The following MYSM1 variants were observed in gnomAD, a reference collection of about 807,000 sequenced individuals.
The protein encoded by MYSM1 is deubiquitinase MYSM1.
MYSM1 carries 51 observed loss-of-function variants against 116.0 expected under a neutral mutation model. The observed-to-expected ratio is 0.44, with a 90% CI of 0.35 to 0.56. The LOEUF is 0.56. Among genes scored for constraint, MYSM1 ranks in the 20% least tolerant of loss-of-function variants. The pLI is 0.00. For missense variants in MYSM1, 900 were observed against 974.9 expected (o/e 0.92, Z 1.02); for synonymous variants, 313 against 315.2 (o/e 0.99, Z 0.07).
chr1:58,695,294 T>A, intron 1 of MYSM1, 87 bp from the exon 2 acceptor site: 1 of 764,190 alleles, frequency 1.3e-6, no homozygotes, highest in Non-Finnish European at 2.2e-6. Flanking sequence ...CAGCAGGTAG[T>A]AAGGGAACTA....
chr1:58,690,390 C>T lies in MYSM1; in HGVS notation c.246G>A (p.Pro82=), dbSNP rs748786067. ...CCTTTTGATCAAGCCAGACTTTTTC[C>T]GGTTGTGATTTTTTAGATAAATAAT... is the stretch of plus-strand genomic sequence containing the variant. ...EEYYLSKKSQ[P]EKVWLDQKED... The change falls in exon 4 of 20, where the codon CCG becomes CCA. Residue 82 remains proline (P), a synonymous_variant. Transcript: ENST00000472487. 29 of 1,599,146 alleles carry T rather than the reference C, an allele frequency of 1.8e-5. No individual in the cohort carries two copies. Among genetic ancestry groups the T allele is most frequent in the South Asian group, 2.3e-5 (2 of 88,106 alleles).
intron 12 of MYSM1, among the ~76,000 whole-genome samples, chr1:58,671,652 A>G (rs758605939): frequency 7.9e-5 from 12 of 152,140 alleles, no homozygotes; most frequent in Non-Finnish European, 1.5e-4. Context: ...TTTACAACAT[A>G]TGTTGGATCA....
chr1:58,692,579 T>C (rs564867049), intron 3 of MYSM1: 1 of 243,316 alleles, frequency 4.1e-6, no homozygotes, highest in South Asian at 1.4e-4. Context: ...AGGTTCAAAA[T>C]GACTTAAATA....
Position 58,679,387 on chromosome 1 carries a change from C to T in MYSM1, c.1260-2331G>A, listed in dbSNP as rs77532442. ...TATAGTACCTATATAAATTAATCTGCCTCATTTGGAATTCAAAATTCAAAG... is the reference window on the plus strand; with the variant it reads ...TATAGTACCTATATAAATTAATCTGTCTCATTTGGAATTCAAAATTCAAAG... On this transcript the variant is annotated intron_variant, in intron 8 of 19. Coordinates refer to ENST00000472487, the MANE Select transcript of MYSM1 (RefSeq NM_001085487.3). Among the ~76,000 whole-genome samples the T allele has an allele frequency of 3.0e-4, 46 of 152,226 alleles. No individual in the cohort carries two copies. The East Asian group carries it at 6.2e-3, about 20-fold the overall frequency.
intron 1 of MYSM1, among the ~76,000 whole-genome samples, chr1:58,698,084 C>CTCTATATATATATA (rs1443443579): frequency 9.6e-5 from 3 of 31,412 alleles, no homozygotes; most frequent in African/African-American, 3.8e-4. Context: ...ATTTATCAGA[C>CTCTATATATATATA]TATATATATA....
chr1:58,682,138 GCT>G lies in MYSM1; in HGVS notation c.904_905del (p.Ser302GlnfsTer3), dbSNP rs769049003. The G allele has an allele frequency of 1.2e-6, 2 of 1,613,522 alleles. No homozygotes were observed. The highest frequency in any genetic ancestry group is 2.2e-5 in the East Asian group (1 of 44,864). On this transcript the variant is annotated frameshift_variant, in exon 8 of 20. Transcript: ENST00000472487. LOFTEE classifies it high-confidence loss of function. ...ATTCAATTGATTTTTTGTCACCATT[GCT>G]CTGTTTCTCAGTCCACAGTGTAATT... The part of the protein sequence containing the change: ...SEITLWTEKQ[S>X]NGDKKSIELN...
chr1:58,698,102 A>ATATATATATATATATATT lies in MYSM1; in HGVS notation c.68+1882_68+1883insAATATATATATATATATA. ...TATCAGACTATATATATATATATAT[A>ATATATATATATATATATT]TTTTTTTTTTTTTTTTGAGACAGAG... On this transcript the variant is annotated intron_variant, in intron 1 of 19. Coordinates refer to ENST00000472487, the MANE Select transcript of MYSM1 (RefSeq NM_001085487.3). Among the ~76,000 whole-genome samples, 18 of 7,764 alleles carry ATATATATATATATATATT rather than the reference A, an allele frequency of 2.3e-3. 1 individual carries two copies. The highest frequency in any genetic ancestry group is 0.01 in the South Asian group (1 of 100). 5.1% of individuals were successfully genotyped at this position (7,764 alleles called of 152,430 possible). A position where few individuals can be genotyped will look rare whatever the true frequency, so the allele number is the denominator to read the frequency against.
chr1:58,677,942 C>G (rs12403199), intron 8 of MYSM1, among the ~76,000 whole-genome samples: 38,444 of 151,992 alleles, frequency 0.25, 5,163 homozygotes, highest in Middle Eastern at 0.37. Context: ...TCAGATATCT[C>G]ATATAACATG....
intron 13 of MYSM1, 104 bp from the exon 14 acceptor site, chr1:58,668,786 G>GT (rs1557508412): frequency 9.0e-7 from 1 of 1,105,204 alleles, no homozygotes; most frequent in African/African-American, 1.6e-5. Context: ...ACCCCACCAA[G>GT]TTCTCAGCAC....
At position 58,665,121 on chromosome 1, in the gene MYSM1, A is replaced by AT. The variant is rs1275428731; in HGVS notation, c.2164+377dup. Reference sequence around the variant, plus strand: ...GGGAGGTGACAGAGAGCTGGTGGTCATTTTTTTTTTCATTTGCATGCCATC... The same window carrying AT: ...GGGAGGTGACAGAGAGCTGGTGGTCATTTTTTTTTTTCATTTGCATGCCATC... On this transcript the variant is annotated intron_variant, in intron 17 of 19. Coordinates refer to ENST00000472487, the MANE Select transcript of MYSM1 (RefSeq NM_001085487.3). 1.1e-4 allele frequency among the ~76,000 whole-genome samples: 16 copies of AT among 150,260 alleles called. No individual in the cohort carries two copies. The South Asian group carries it at 1.5e-3, about 14-fold the overall frequency.
intron 10 of MYSM1, among the ~76,000 whole-genome samples, chr1:58,674,090 C>T (rs893010263): frequency 6.6e-5 from 10 of 152,024 alleles, no homozygotes; most frequent in African/African-American, 2.2e-4. Flanking sequence ...AGTGCAGTGG[C>T]GTGATCTTTG....
At position 58,657,191 on chromosome 1, in the gene MYSM1, G is replaced by A. The variant is rs1275878679; in HGVS notation, c.*2806C>T. ...GAATGTTACTTTGGAATTAGATTAAGTCTAATACTGGGGAAGCGCTAGTGT... is the reference window on the plus strand; with the variant it reads ...GAATGTTACTTTGGAATTAGATTAAATCTAATACTGGGGAAGCGCTAGTGT... On this transcript the variant is annotated 3_prime_UTR_variant, in exon 20 of 20. Coordinates refer to ENST00000472487, the MANE Select transcript of MYSM1 (RefSeq NM_001085487.3). The A allele has an allele frequency of 1.3e-5, 2 of 150,854 alleles. No homozygotes were observed. Among genetic ancestry groups the A allele is most frequent in the Admixed American group, 6.6e-5 (1 of 15,148 alleles). The allele number at this position is 150,854 out of a possible 1,614,324, so 9.3% of individuals were successfully genotyped here.
chr1:58,661,488 G>T lies in MYSM1; in HGVS notation c.2188C>A (p.Gln730Lys). Residue 730 changes from glutamine to lysine, a missense_variant, in exon 18 of 20, where the codon CAG becomes AAG. By Grantham distance (53) the Gln-to-Lys change is moderately conservative. Coordinates refer to ENST00000472487, the MANE Select transcript of MYSM1 (RefSeq NM_001085487.3). ...CACTGAGGTTCTTCTAACATCTGCT[G>T]TACTTCAAATTTGTAAGGTAAGCCT... is the stretch of plus-strand genomic sequence containing the variant. Reference protein sequence around the residue: ...SYRLPYKFEVQQMLEEPQWGL... With the variant: ...SYRLPYKFEVKQMLEEPQWGL... 1 of 1,603,706 alleles carries T rather than the reference G, an allele frequency of 6.2e-7. No individual in the cohort carries two copies. Among genetic ancestry groups the T allele is most frequent in the Non-Finnish European group, 8.5e-7 (1 of 1,171,520 alleles).
At chr1:58,670,327 T>C (rs1278590861) in intron 12 of MYSM1, among the ~76,000 whole-genome samples, 1 of 152,200 alleles carries the variant, frequency 6.6e-6, no homozygotes, top group Admixed American at 6.5e-5. Context: ...GCTGTCAGTG[T>C]TTGTTGAGGA....
At chr1:58,662,528 AGGCATT>A (rs1332326718) in intron 17 of MYSM1, among the ~76,000 whole-genome samples, 1 of 151,650 alleles carries the variant, frequency 6.6e-6, no homozygotes, top group African/African-American at 2.4e-5. Context: ...CAGATATAAA[AGGCATT>A]GGCAGGATTT....
chr1:58,679,806 T>C (rs1274121995), intron 8 of MYSM1, among the ~76,000 whole-genome samples: 1 of 151,440 alleles, frequency 6.6e-6, no homozygotes, highest in Non-Finnish European at 1.5e-5. Context: ...GGTGAGTGGA[T>C]TACCTGAGGT....
rs646018 is a variant in MYSM1, at chr1:58,677,157, C to T, written c.1260-101G>A. 14,284 of 1,042,010 alleles carry T rather than the reference C, an allele frequency of 0.014. 1,196 individuals are homozygous for T. In the African/African-American group the frequency reaches 0.2, roughly 14 times the overall value. The allele number at this position is 1,042,010 out of a possible 1,614,324, so 64.5% of individuals were successfully genotyped here. A position where few individuals can be genotyped will look rare whatever the true frequency, so the allele number is the denominator to read the frequency against. On this transcript the variant is annotated intron_variant, in intron 8 of 19. Transcript: ENST00000472487. ...TATTTGAAATATCTCTAAATTTTAACCCCTTTCAATGTATAAATGTGTAAT... is the reference window on the plus strand; with the variant it reads ...TATTTGAAATATCTCTAAATTTTAATCCCTTTCAATGTATAAATGTGTAAT...
chr1:58,695,128 C>CAAT lies in MYSM1; in HGVS notation c.145_147dup (p.Ile49dup). 6.3e-7 allele frequency: 1 copy of CAAT among 1,577,576 alleles called. No homozygotes were observed. Among genetic ancestry groups the CAAT allele is most frequent in the East Asian group, 2.2e-5 (1 of 44,488 alleles). On this transcript the variant is annotated inframe_insertion and splice_region_variant. Coordinates refer to ENST00000472487, the MANE Select transcript of MYSM1 (RefSeq NM_001085487.3). The stretch of plus-strand genomic sequence containing the variant: ...ACCTGATATTTTTATAAAATACTTA[C>CAAT]AATAAGGCCATTCTCTGTTCTCCAA...
intron 17 of MYSM1, among the ~76,000 whole-genome samples, chr1:58,663,377 T>C (rs953369097): frequency 1.3e-5 from 2 of 152,192 alleles, no homozygotes; most frequent in Admixed American, 6.5e-5. Context: ...AGAAAACTGA[T>C]CACTAAATAT....
Sources: allele counts gnomAD v4.1 joint callset (sites outside exome capture counted in the v4.1 genomes callset), GRCh38; gene constraint gnomAD v4.1.1; transcripts MANE v1.5; gene names NCBI Gene and HGNC (gene_info 2026-07-23, HGNC 2026-07-21).